The following SCFD2 variants were observed in gnomAD, a reference collection of about 807,000 sequenced individuals.
The protein encoded by SCFD2 is sec1 family domain containing 2.
In SCFD2, 54 loss-of-function variants were observed where a neutral mutation model predicts 58.9. The observed-to-expected ratio is 0.92, with a 90% CI of 0.74 to 1.15. The LOEUF is 1.15. Ranked by LOEUF, SCFD2 falls within the 50% of genes most tolerant of loss-of-function variation. SCFD2 has a pLI of 0.00. For missense variants in SCFD2, 805 were observed against 836.6 expected, an observed-to-expected ratio of 0.96 and a Z score of 0.47; for synonymous variants, 321 against 335.9, an observed-to-expected ratio of 0.96 and a Z score of 0.49.
At chr4:53,261,003 T>C (rs1730812651) in intron 4 of SCFD2, among the ~76,000 whole-genome samples, 1 of 152,202 alleles carries the variant, frequency 6.6e-6, no homozygotes, top group African/African-American at 2.4e-5. Flanking sequence ...TTTTCTAGTT[T>C]AAGCATGTAA....
intron 2 of SCFD2, among the ~76,000 whole-genome samples, chr4:53,349,761 C>G (rs1734159673): frequency 6.6e-6 from 1 of 152,208 alleles, no homozygotes; most frequent in South Asian, 2.1e-4. Flanking sequence ...TTCTACTACA[C>G]TTCTAAAAAT....
chr4:52,994,189 A>T (rs1362481167), intron 5 of SCFD2, among the ~76,000 whole-genome samples: 1 of 152,236 alleles, frequency 6.6e-6, no homozygotes, highest in Non-Finnish European at 1.5e-5. Flanking sequence ...GAGCTCAAGC[A>T]TTCTGGGCAA....
chr4:52,890,342 G>A (rs1055882162), intron 7 of SCFD2, among the ~76,000 whole-genome samples: 1 of 152,184 alleles, frequency 6.6e-6, no homozygotes, highest in Non-Finnish European at 1.5e-5. Flanking sequence ...GCTAAGGAGT[G>A]GGGGAATGTT....
intron 5 of SCFD2, among the ~76,000 whole-genome samples, chr4:53,107,250 C>T (rs1210894449): frequency 7.9e-5 from 12 of 152,170 alleles, no homozygotes; most frequent in African/African-American, 2.2e-4. Flanking sequence ...AAGGAAAAAC[C>T]GGTACTATCC....
chr4:52,951,984 G>A (rs563289355), intron 5 of SCFD2, among the ~76,000 whole-genome samples: 95 of 152,280 alleles, frequency 6.2e-4, no homozygotes, highest in Middle Eastern at 3.4e-3. Context: ...AGGAGAAGGC[G>A]CTCTACCCCT....
intron 4 of SCFD2, among the ~76,000 whole-genome samples, chr4:53,181,782 C>T (rs368109534): frequency 1.6e-4 from 25 of 152,250 alleles, no homozygotes; most frequent in African/African-American, 4.3e-4. Context: ...AAAATCTCCT[C>T]AAGCTGATAA....
At chr4:53,305,188 A>G (rs1224116447) in intron 3 of SCFD2, among the ~76,000 whole-genome samples, 1 of 151,978 alleles carries the variant, frequency 6.6e-6, no homozygotes, top group African/African-American at 2.4e-5. Context: ...TGTATTTTTT[A>G]AATTTTTTTA....
chr4:53,264,956 A>T (rs1364186965), intron 4 of SCFD2, among the ~76,000 whole-genome samples: 2 of 152,172 alleles, frequency 1.3e-5, no homozygotes, highest in Non-Finnish European at 2.9e-5. Context: ...ATATTTTATT[A>T]AAAAACCATT....
chr4:52,983,188 G>T (rs1721415288), intron 5 of SCFD2, among the ~76,000 whole-genome samples: 1 of 152,098 alleles, frequency 6.6e-6, no homozygotes. Context: ...ATAACTCTTT[G>T]CCTAGCCACA....
At position 52,903,102 on chromosome 4, in the gene SCFD2, C is replaced by T. The variant is rs551112853; in HGVS notation, c.1842+4355G>A. 2.5e-4 allele frequency among the ~76,000 whole-genome samples: 38 copies of T among 152,314 alleles called. 1 individual carries two copies. Among genetic ancestry groups the T allele is most frequent in the Admixed American group, 7.8e-4 (12 of 15,296 alleles). On this transcript the variant is annotated intron_variant, in intron 7 of 8. Coordinates refer to ENST00000401642, the MANE Select transcript of SCFD2 (RefSeq NM_152540.4). ...TTTCCTCTCGATTCCTTGAATTTCT[C>T]AGTCTACAAAATACACCCCTTTATT...
chr4:53,147,953 T>C (rs1325951156), intron 4 of SCFD2, among the ~76,000 whole-genome samples: 2 of 152,240 alleles, frequency 1.3e-5, no homozygotes, highest in East Asian at 3.9e-4. Flanking sequence ...CTGCCAAAAG[T>C]AATTTAAAAG....
intron 5 of SCFD2, among the ~76,000 whole-genome samples, chr4:53,021,396 T>G (rs1377373007): frequency 6.6e-6 from 1 of 152,204 alleles, no homozygotes; most frequent in East Asian, 1.9e-4. Flanking sequence ...ACTTTCAACA[T>G]AATTTATTCC....
intron 4 of SCFD2, among the ~76,000 whole-genome samples, chr4:53,237,513 G>T (rs1191477565): frequency 8.1e-5 from 1 of 12,376 alleles, no homozygotes; most frequent in Non-Finnish European, 1.7e-4. Context: ...CTGGCCGGGC[G>T]GGGGGCTGAC....
intron 3 of SCFD2, among the ~76,000 whole-genome samples, chr4:53,283,206 G>A (rs1293664607): frequency 1.3e-5 from 2 of 152,120 alleles, no homozygotes; most frequent in Non-Finnish European, 2.9e-5. Context: ...AAACACAACA[G>A]ACCATTTTTT....
At chr4:53,233,184 G>C (rs1217318403) in intron 4 of SCFD2, among the ~76,000 whole-genome samples, 1 of 152,026 alleles carries the variant, frequency 6.6e-6, no homozygotes, top group Non-Finnish European at 1.5e-5. Context: ...TTAGTGTTAT[G>C]TCCTTTTATT....
At chr4:52,912,557 T>C (rs1719511758) in intron 6 of SCFD2, among the ~76,000 whole-genome samples, 1 of 151,968 alleles carries the variant, frequency 6.6e-6, no homozygotes, top group African/African-American at 2.4e-5. Context: ...AAGAACTAAG[T>C]ACAGAACAAC....
chr4:53,193,698 T>G (rs912328676), intron 4 of SCFD2, among the ~76,000 whole-genome samples: 6 of 152,182 alleles, frequency 3.9e-5, no homozygotes, highest in Non-Finnish European at 8.8e-5. Flanking sequence ...AAAAGAAAAG[T>G]ACAATGGAGT....
intron 5 of SCFD2, among the ~76,000 whole-genome samples, chr4:52,989,818 C>T (rs1721578630): frequency 6.6e-6 from 1 of 151,980 alleles, no homozygotes; most frequent in South Asian, 2.1e-4. Flanking sequence ...TTCCTTTTAC[C>T]TACTGATGCC....
chr4:53,259,852 T>C (rs1730775942), intron 4 of SCFD2, among the ~76,000 whole-genome samples: 1 of 152,196 alleles, frequency 6.6e-6, no homozygotes, highest in South Asian at 2.1e-4. Flanking sequence ...TCCATGAGCA[T>C]GGGATGTCTT....
Sources: gnomAD v4.1 joint callset for allele counts (sites outside exome capture counted in the v4.1 genomes callset) on GRCh38, gnomAD v4.1.1 for gene constraint, MANE v1.5 for transcripts, NCBI Gene and HGNC (gene_info 2026-07-23, HGNC 2026-07-21) for gene names.